The following ZNF362 variants were observed in gnomAD, a reference collection of about 807,000 sequenced individuals.
ZNF362 encodes the protein rotund homolog.
Under a neutral mutation model 42.9 loss-of-function variants are expected in ZNF362, and 11 were observed. The ratio of observed to expected loss-of-function variants is 0.26; its 90% CI spans 0.16 to 0.42. The LOEUF (loss-of-function observed/expected upper bound fraction) is 0.42, where lower values mean the gene tolerates loss of function less well. Among genes scored for constraint, ZNF362 ranks in the 20% least tolerant of loss-of-function variants. The pLI is 1.00. For missense variants in ZNF362, 362 were observed against 576.2 expected, an observed-to-expected ratio of 0.63 and a Z score of 3.81; for synonymous variants, 255 against 257.3, an observed-to-expected ratio of 0.99 and a Z score of 0.09.
At chr1:33,158,428 G>T in the ZNF362 span, 5 of 1,459,618 alleles carry the variant, frequency 3.4e-6, no homozygotes, top group Non-Finnish European at 3.8e-6. Context: ...CCAATGCCAG[G>T]GGCCCCGCAG....
At chr1:33,150,963 T>G in the ZNF362 span, among the ~76,000 whole-genome samples, 1 of 151,968 alleles carries the variant, frequency 6.6e-6, no homozygotes, top group South Asian at 2.1e-4. Context: ...CCTGGGTGAT[T>G]TGAGACCAGC....
chr1:33,205,643 G>A, the ZNF362 span, among the ~76,000 whole-genome samples: 1 of 152,110 alleles, frequency 6.6e-6, no homozygotes, highest in South Asian at 2.1e-4. Flanking sequence ...GCCAGGTGTG[G>A]TATCTCACAC....
chr1:33,243,842 T>A, the ZNF362 span, among the ~76,000 whole-genome samples: 2 of 150,692 alleles, frequency 1.3e-5, no homozygotes, highest in Non-Finnish European at 3.0e-5. Context: ...TCTCCTGACC[T>A]CGTGATCCGC....
chr1:33,274,105 G>A (rs1395895895), intron 2 of ZNF362, among the ~76,000 whole-genome samples: 1 of 152,108 alleles, frequency 6.6e-6, no homozygotes, highest in Non-Finnish European at 1.5e-5. Flanking sequence ...CTGTGTGAGC[G>A]GGTGCTCACC....
chr1:33,180,651 C>T, the ZNF362 span, among the ~76,000 whole-genome samples: 28,127 of 152,198 alleles, frequency 0.18, 3,083 homozygotes, highest in South Asian at 0.29. Flanking sequence ...CCTGCCTTTG[C>T]CCAACTCTGA....
the ZNF362 span, among the ~76,000 whole-genome samples, chr1:33,238,350 A>AAAT: frequency 9.9e-6 from 1 of 100,652 alleles, no homozygotes; most frequent in African/African-American, 3.3e-5. Context: ...AAATAAAATA[A>AAAT]AATAAAATAA....
chr1:33,232,446 C>T, the ZNF362 span, among the ~76,000 whole-genome samples: 4 of 152,030 alleles, frequency 2.6e-5, no homozygotes, highest in Non-Finnish European at 4.4e-5. Flanking sequence ...TATTTTTTAG[C>T]AGAGACGGGG....
At chr1:33,276,702 G>T in intron 4 of ZNF362, 108 bp downstream of exon 4, 1 of 1,244,116 alleles carries the variant, frequency 8.0e-7, no homozygotes, top group South Asian at 2.3e-5. Flanking sequence ...AGAGCAGGGC[G>T]GGCAGGGCCT....
At chr1:33,217,843 T>G in the ZNF362 span, among the ~76,000 whole-genome samples, 1 of 152,178 alleles carries the variant, frequency 6.6e-6, no homozygotes, top group Non-Finnish European at 1.5e-5. Context: ...ATTTTAACTA[T>G]GGTGCAATCT....
chr1:33,189,667 A>ATATATG, the ZNF362 span, among the ~76,000 whole-genome samples: 1 of 32,216 alleles, frequency 3.1e-5, no homozygotes, highest in Non-Finnish European at 7.3e-5. Context: ...ATATATATAT[A>ATATATG]TATATGTATA....
At chr1:33,145,665 G>GAA in the ZNF362 span, 1 of 312,734 alleles carries the variant, frequency 3.2e-6, no homozygotes, top group African/African-American at 2.2e-5. Context: ...GGACTAGAAA[G>GAA]AAAAGTCAAG....
the ZNF362 span, among the ~76,000 whole-genome samples, chr1:33,151,309 C>T: frequency 6.6e-6 from 1 of 152,084 alleles, no homozygotes; most frequent in Admixed American, 6.5e-5. Flanking sequence ...CAGGGCCTGC[C>T]ACTCTCTTAG....
At chr1:33,278,706 G>T (rs1471925098) in intron 4 of ZNF362, among the ~76,000 whole-genome samples, 4 of 152,196 alleles carry the variant, frequency 2.6e-5, no homozygotes. Context: ...TAGTTTGAGT[G>T]TGTGTTCTTT....
chr1:33,256,826 A>AGCGGCGGCGGCG (rs551197216), intron 1 of ZNF362, among the ~76,000 whole-genome samples, 172 bp downstream of exon 1: 1 of 144,132 alleles, frequency 6.9e-6, no homozygotes, highest in African/African-American at 2.5e-5. Context: ...CCCGGCCCAG[A>AGCGGCGGCGGCG]GCGGCGGCGG....
the ZNF362 span, among the ~76,000 whole-genome samples, chr1:33,228,787 C>G: frequency 6.6e-6 from 1 of 152,194 alleles, no homozygotes; most frequent in Non-Finnish European, 1.5e-5. Flanking sequence ...ATTTCCCACA[C>G]AGCAGCCTCA....
chr1:33,236,616 T>C, the ZNF362 span, among the ~76,000 whole-genome samples: 1 of 137,540 alleles, frequency 7.3e-6, no homozygotes, highest in African/African-American at 2.7e-5. Flanking sequence ...ATATGTAATA[T>C]ACTCTGATAA....
At position 33,270,687 on chromosome 1, in the gene ZNF362, G is replaced by T. The variant is rs140251313; in HGVS notation, c.38+75G>T. 3 of 1,577,142 alleles carry T rather than the reference G, an allele frequency of 1.9e-6. No individual in the cohort carries two copies. In the African/African-American group the frequency reaches 4.1e-5, roughly 21 times the overall value. On this transcript the variant is annotated intron_variant, in intron 2 of 8. Coordinates refer to ENST00000539719, the MANE Select transcript of ZNF362 (RefSeq NM_152493.3). ...TTTGGGGGATTAAAGCATTGTGTTC[G>T]TCCCACCTTCCCTGAGTGCCCCCGC...
At chr1:33,265,076 T>G (rs1645856416) in intron 1 of ZNF362, among the ~76,000 whole-genome samples, 1 of 151,806 alleles carries the variant, frequency 6.6e-6, no homozygotes. Context: ...CTATTATTAT[T>G]ATTGCCATCA....
At chr1:33,199,562 G>A in the ZNF362 span, among the ~76,000 whole-genome samples, 1 of 152,062 alleles carries the variant, frequency 6.6e-6, no homozygotes, top group Non-Finnish European at 1.5e-5. Flanking sequence ...GATACAAGAT[G>A]GAAATCTGGA....
Sources: gnomAD v4.1 joint callset for allele counts (sites outside exome capture counted in the v4.1 genomes callset) on GRCh38, gnomAD v4.1.1 for gene constraint, MANE v1.5 for transcripts, NCBI Gene and HGNC (gene_info 2026-07-23, HGNC 2026-07-21) for gene names.